Variants in ZMAT5 observed in about 807,000 individuals in gnomAD.
ZMAT5 encodes zinc finger matrin-type protein 5.
A neutral mutation model predicts 28.0 loss-of-function variants in ZMAT5; 23 were observed. That is an observed-to-expected ratio of 0.82 (90% confidence interval 0.59 to 1.16). ZMAT5 has a LOEUF of 1.16. Among genes scored for constraint, ZMAT5 ranks in the 50% most tolerant of loss-of-function variants. The pLI is 0.00. For missense variants in ZMAT5, 173 were observed against 212.7 expected (o/e 0.81, Z 1.16); for synonymous variants, 76 against 84.1 (o/e 0.90, Z 0.52).
chr22:29,738,267 G>T, intron 5 of ZMAT5, 63 bp downstream of exon 5: 1 of 1,456,968 alleles, frequency 6.9e-7, no homozygotes, highest in Non-Finnish European at 9.5e-7. Context: ...CTCAGGAAGG[G>T]GAAGGCGGGC....
At chr22:29,757,270 C>G (rs1333119678) in intron 1 of ZMAT5, among the ~76,000 whole-genome samples, 2 of 148,490 alleles carry the variant, frequency 1.3e-5, no homozygotes, top group African/African-American at 4.9e-5. Flanking sequence ...GAAAGAAATG[C>G]TAGCCTAAGG....
chr22:29,763,663 C>T (rs566421276), intron 1 of ZMAT5, among the ~76,000 whole-genome samples: 2 of 151,816 alleles, frequency 1.3e-5, no homozygotes, highest in East Asian at 3.9e-4. Flanking sequence ...TGGCTCATGT[C>T]TGTAATCCCA....
At chr22:29,764,285 T>C (rs1461363365) in intron 1 of ZMAT5, among the ~76,000 whole-genome samples, 7 of 152,232 alleles carry the variant, frequency 4.6e-5, no homozygotes, top group Non-Finnish European at 8.8e-5. Flanking sequence ...AGTCTTCCCC[T>C]GGAGCCTCAC....
intron 5 of ZMAT5, among the ~76,000 whole-genome samples, chr22:29,735,198 C>T (rs1378245895): frequency 1.3e-5 from 2 of 152,156 alleles, no homozygotes; most frequent in African/African-American, 2.4e-5. Flanking sequence ...CCAGCCTGCC[C>T]GGAGACAGTT....
At chr22:29,761,884 G>A (rs2068160981) in intron 1 of ZMAT5, among the ~76,000 whole-genome samples, 1 of 152,148 alleles carries the variant, frequency 6.6e-6, no homozygotes, top group South Asian at 2.1e-4. Flanking sequence ...GTGCTGTAAA[G>A]GTTACTAAGG....
At chr22:29,766,587 G>T (rs1348092397) in intron 1 of ZMAT5, among the ~76,000 whole-genome samples, 1 of 152,230 alleles carries the variant, frequency 6.6e-6, no homozygotes, top group African/African-American at 2.4e-5. Context: ...ATCCCAAGCA[G>T]GTTCCAAGTC....
intron 1 of ZMAT5, among the ~76,000 whole-genome samples, chr22:29,763,434 T>C (rs1345404260): frequency 2.0e-5 from 3 of 147,174 alleles, no homozygotes; most frequent in East Asian, 4.1e-4. Flanking sequence ...AAACCCCTTC[T>C]CTACTAAAAA....
intron 1 of ZMAT5, 64 bp from the exon 2 acceptor site, chr22:29,748,635 G>A (rs2068031078): frequency 6.3e-7 from 1 of 1,582,104 alleles, no homozygotes; most frequent in East Asian, 2.3e-5. Flanking sequence ...CCAGCCCACT[G>A]AATGCTTCCT....
At chr22:29,755,471 CTG>C (rs1355684778) in intron 1 of ZMAT5, among the ~76,000 whole-genome samples, 1 of 151,790 alleles carries the variant, frequency 6.6e-6, no homozygotes, top group East Asian at 1.9e-4. Context: ...AGTCAAGGCA[CTG>C]TGGGGTGGCA....
In ZMAT5 at chr22:29,748,535, G is replaced by T. The variant is rs180873759; in HGVS notation, c.10C>A (p.Arg4=). 1 of 1,614,136 alleles carries T rather than the reference G, an allele frequency of 6.2e-7. No individual in the cohort carries two copies. Among genetic ancestry groups the T allele is most frequent in the Non-Finnish European group, 8.5e-7 (1 of 1,180,026 alleles). The change falls in exon 2 of 6, where the codon CGA becomes AGA. Residue 4 remains arginine, a synonymous_variant. Coordinates refer to ENST00000344318, the MANE Select transcript of ZMAT5 (RefSeq NM_001003692.2). ...CGGTCGCAGTAGTCACAGAAGTATCGCTTCCCCATGGCCACTCAGAGCAGG... is the reference window on the plus strand; with the variant it reads ...CGGTCGCAGTAGTCACAGAAGTATCTCTTCCCCATGGCCACTCAGAGCAGG... MGK[R]YFCDYCDRSF...
chr22:29,760,375 C>CAA (rs131280), intron 1 of ZMAT5, among the ~76,000 whole-genome samples: 40,949 of 97,930 alleles, frequency 0.42, 8,383 homozygotes, highest in East Asian at 0.6. Flanking sequence ...TCCTCTGTCT[C>CAA]AAAAAAAAAA....
At position 29,756,631 on chromosome 22, in the gene ZMAT5, G is replaced by C. The variant is rs150863452; in HGVS notation, c.-27-8060C>G. Among the ~76,000 whole-genome samples the C allele has an allele frequency of 2.6e-5, 4 of 152,272 alleles. No homozygotes were observed. The East Asian group carries it at 7.7e-4, about 29-fold the overall frequency. On this transcript the variant is annotated intron_variant, in intron 1 of 5. Coordinates refer to ENST00000344318, the MANE Select transcript of ZMAT5 (RefSeq NM_001003692.2). ...CCACAGAGAAATGCGAGTCCAGGCT[G>C]GGCACAGTGGCTCACACTTGTAATC...
intron 2 of ZMAT5, among the ~76,000 whole-genome samples, chr22:29,745,256 G>C (rs549412110): frequency 6.6e-6 from 1 of 152,320 alleles, no homozygotes; most frequent in East Asian, 1.9e-4. Flanking sequence ...GGTGGTGGGG[G>C]GGCCTGGCTT....
Position 29,732,669 on chromosome 22 carries a change from G to T in ZMAT5, c.384-1315C>A, listed in dbSNP as rs534019181. On this transcript the variant is annotated intron_variant, in intron 5 of 5. Coordinates refer to ENST00000344318, the MANE Select transcript of ZMAT5 (RefSeq NM_001003692.2). Reference sequence around the variant, plus strand: ...GCAGGAGAATGACGTGGACTAAGGAGGTGGAGCTTGCAGTGAGCCGAGATC... The same window carrying T: ...GCAGGAGAATGACGTGGACTAAGGATGTGGAGCTTGCAGTGAGCCGAGATC... Among the ~76,000 whole-genome samples, 15 of 150,228 alleles carry T rather than the reference G, an allele frequency of 1.0e-4. No homozygotes were observed. In the East Asian group the frequency reaches 2.7e-3, roughly 27 times the overall value.
At chr22:29,735,941 A>T (rs2067900105) in intron 5 of ZMAT5, among the ~76,000 whole-genome samples, 2 of 151,784 alleles carry the variant, frequency 1.3e-5, no homozygotes, top group African/African-American at 4.8e-5. Context: ...ATTGGTGCTC[A>T]CTCCAGTTCA....
intron 1 of ZMAT5, among the ~76,000 whole-genome samples, chr22:29,753,582 G>A (rs767474195): frequency 2.6e-5 from 4 of 151,578 alleles, no homozygotes; most frequent in South Asian, 2.1e-4. Flanking sequence ...CCAGCTACTC[G>A]GGAGGCTGAG....
chr22:29,737,025 CAA>C (rs1406580047), intron 5 of ZMAT5, among the ~76,000 whole-genome samples: 16 of 73,908 alleles, frequency 2.2e-4, no homozygotes, highest in Non-Finnish European at 2.4e-4. Context: ...GAATCCGTCT[CAA>C]AAAAAAAAAA....
chr22:29,736,849 C>T (rs1363525021), intron 5 of ZMAT5, among the ~76,000 whole-genome samples: 1 of 148,796 alleles, frequency 6.7e-6, no homozygotes, highest in Non-Finnish European at 1.5e-5. Context: ...ATGGTGAAAC[C>T]CCGTCTCCAC....
chr22:29,752,877 G>A (rs2068067139), intron 1 of ZMAT5, among the ~76,000 whole-genome samples: 1 of 152,174 alleles, frequency 6.6e-6, no homozygotes, highest in Non-Finnish European at 1.5e-5. Context: ...ACAGACACAT[G>A]TGCAGTGTCA....
Sources: allele counts gnomAD v4.1 joint callset (sites outside exome capture counted in the v4.1 genomes callset), GRCh38; gene constraint gnomAD v4.1.1; transcripts MANE v1.5; gene names NCBI Gene and HGNC (gene_info 2026-07-23, HGNC 2026-07-21).